The following SCMH1 variants were observed in gnomAD, a reference collection of about 807,000 sequenced individuals.
The protein encoded by SCMH1 is polycomb protein SCMH1.
In SCMH1, 37 loss-of-function variants were observed where a neutral mutation model predicts 70.8. The observed-to-expected ratio is 0.52, with a 90% CI of 0.40 to 0.69. The LOEUF (loss-of-function observed/expected upper bound fraction) is 0.69. SCMH1 is among the 30% of genes least tolerant of loss of function. The pLI is 0.00. For missense variants in SCMH1, 607 were observed against 827.3 expected, an observed-to-expected ratio of 0.73 and a Z score of 3.27; for synonymous variants, 292 against 307.4, an observed-to-expected ratio of 0.95 and a Z score of 0.52.
chr1:41,081,662 T>C (rs971047897), intron 8 of SCMH1, among the ~76,000 whole-genome samples: 4 of 152,016 alleles, frequency 2.6e-5, no homozygotes, highest in Non-Finnish European at 5.9e-5. Flanking sequence ...ACAAAAATTT[T>C]TTAAAAAATT....
intron 5 of SCMH1, among the ~76,000 whole-genome samples, chr1:41,145,435 G>A (rs1644465633): frequency 6.6e-6 from 1 of 152,078 alleles, no homozygotes; most frequent in Non-Finnish European, 1.5e-5. Flanking sequence ...CTATTTTCCT[G>A]CCAGAACCAT....
chr1:41,162,490 C>A (rs570859751), intron 2 of SCMH1, among the ~76,000 whole-genome samples: 1 of 152,274 alleles, frequency 6.6e-6, no homozygotes, highest in East Asian at 1.9e-4. Flanking sequence ...AATGGGCACA[C>A]ACTTCCTCCC....
At chr1:41,072,101 G>C (rs920400703) in intron 9 of SCMH1, among the ~76,000 whole-genome samples, 1 of 152,242 alleles carries the variant, frequency 6.6e-6, no homozygotes, top group Admixed American at 6.5e-5. Flanking sequence ...TCTCTAAAGA[G>C]ATAGCCCTGA....
intron 6 of SCMH1, among the ~76,000 whole-genome samples, chr1:41,118,438 A>C (rs1331175288): frequency 6.6e-6 from 1 of 152,218 alleles, no homozygotes; most frequent in Non-Finnish European, 1.5e-5. Context: ...AAGAAACCAA[A>C]CATGTCAACC....
intron 6 of SCMH1, among the ~76,000 whole-genome samples, chr1:41,141,770 G>A (rs1475870646): frequency 6.6e-6 from 1 of 152,202 alleles, no homozygotes; most frequent in Non-Finnish European, 1.5e-5. Flanking sequence ...TCAACTAACT[G>A]CAATGTGAGG....
intron 6 of SCMH1, among the ~76,000 whole-genome samples, chr1:41,126,193 T>C (rs898834092): frequency 3.3e-5 from 5 of 152,132 alleles, no homozygotes; most frequent in African/African-American, 1.2e-4. Flanking sequence ...CCACAAACAT[T>C]ATTAAGAAGT....
chr1:41,175,476 T>C (rs1314732109), intron 2 of SCMH1, among the ~76,000 whole-genome samples: 1 of 152,232 alleles, frequency 6.6e-6, no homozygotes, highest in Non-Finnish European at 1.5e-5. Flanking sequence ...TCAGCCTCTA[T>C]AATCCTGTGA....
At chr1:41,129,198 G>A (rs1673983744) in intron 6 of SCMH1, among the ~76,000 whole-genome samples, 1 of 151,840 alleles carries the variant, frequency 6.6e-6, no homozygotes, top group Non-Finnish European at 1.5e-5. Context: ...TTTTTTTGTG[G>A]TAAAATATAT....
chr1:41,114,604 C>G (rs1183459148), intron 7 of SCMH1, among the ~76,000 whole-genome samples: 1 of 149,550 alleles, frequency 6.7e-6, no homozygotes, highest in Non-Finnish European at 1.5e-5. Context: ...TTATTATATA[C>G]TATCAAGCCT....
At chr1:41,073,780 TGA>T (rs774598491) in intron 9 of SCMH1, among the ~76,000 whole-genome samples, 4 of 152,168 alleles carry the variant, frequency 2.6e-5, no homozygotes, top group Admixed American at 2.6e-4. Context: ...ATTAGGTTCT[TGA>T]CCTTGAGGAG....
rs76173530 is a variant in SCMH1, at chr1:41,225,316, G to A, written c.-118+16743C>T. Among the ~76,000 whole-genome samples, 903 of 152,222 alleles carry A rather than the reference G, an allele frequency of 5.9e-3. 4 individuals carry two copies. Among genetic ancestry groups the A allele is most frequent in the African/African-American group, 0.02 (842 of 41,540 alleles). On this transcript the variant is annotated intron_variant, in intron 1 of 14. Transcript: ENST00000337495. ...TATCCAGGGATAGGTCCCCAAAGTG[G>A]GGAGAAGTGAGCAAGGAGGCAGTCA...
At chr1:41,208,746 T>A (rs1478451174) in intron 1 of SCMH1, among the ~76,000 whole-genome samples, 1 of 152,162 alleles carries the variant, frequency 6.6e-6, no homozygotes, top group Admixed American at 6.5e-5. Context: ...GAGGGAAATT[T>A]ATAGCACCAA....
chr1:41,200,448 C>G (rs934517681), intron 1 of SCMH1, among the ~76,000 whole-genome samples: 1 of 151,134 alleles, frequency 6.6e-6, no homozygotes, highest in South Asian at 2.1e-4. Flanking sequence ...CCACTGCACT[C>G]CAGCCTGAGC....
chr1:41,070,811 T>TATATTTATG, intron 9 of SCMH1, 90 bp from the exon 10 acceptor site: 1 of 1,449,202 alleles, frequency 6.9e-7, no homozygotes, highest in Non-Finnish European at 9.4e-7. Flanking sequence ...GAAGCAAAAA[T>TATATTTATG]ATATTTATGG....
Position 41,116,880 on chromosome 1 carries a change from C to T in SCMH1, c.501+42G>A, listed in dbSNP as rs1261284513. The T allele has an allele frequency of 2.6e-6, 4 of 1,513,498 alleles. No individual in the cohort carries two copies. The East Asian group carries it at 7.1e-5, about 27-fold the overall frequency. 93.8% of individuals were successfully genotyped at this position (1,513,498 alleles called of 1,614,324 possible). A position where few individuals can be genotyped will look rare whatever the true frequency, so the allele number is the denominator to read the frequency against. On this transcript the variant is annotated intron_variant, in intron 7 of 14. Coordinates refer to ENST00000337495, the Ensembl canonical transcript of SCMH1. ...GGACATCAAAGTCTCAATATTTGAC[C>T]TTAAGCAGCCTGGAGCTGGTGATAT...
At chr1:41,069,233 G>A (rs972596928) in intron 10 of SCMH1, among the ~76,000 whole-genome samples, 4 of 152,160 alleles carry the variant, frequency 2.6e-5, no homozygotes, top group African/African-American at 9.7e-5. Flanking sequence ...ATATCATGGA[G>A]TTGGGGTAGG....
chr1:41,226,602 AAATATT>A (rs1244580480), intron 1 of SCMH1, among the ~76,000 whole-genome samples: 61 of 152,252 alleles, frequency 4.0e-4, no homozygotes, highest in African/African-American at 1.3e-3. Context: ...TTTAGTCAAC[AAATATT>A]AATATTATTT....
chr1:41,164,694 G>A (rs1169278891), intron 2 of SCMH1, among the ~76,000 whole-genome samples: 1 of 151,988 alleles, frequency 6.6e-6, no homozygotes, highest in Non-Finnish European at 1.5e-5. Context: ...AGGTCCCAGA[G>A]TCTCTCATCC....
At chr1:41,194,568 G>GCTTTATGAGTT (rs1553172730) in intron 1 of SCMH1, among the ~76,000 whole-genome samples, 1 of 152,208 alleles carries the variant, frequency 6.6e-6, no homozygotes, top group African/African-American at 2.4e-5. Flanking sequence ...ACTTTCCTCA[G>GCTTTATGAGTT]CTTTATGAGT....
Sources: gnomAD v4.1 joint callset for allele counts (sites outside exome capture counted in the v4.1 genomes callset) on GRCh38, gnomAD v4.1.1 for gene constraint, MANE v1.5 for transcripts, NCBI Gene and HGNC (gene_info 2026-07-23, HGNC 2026-07-21) for gene names.